PTRH1: variants seen among roughly 807,000 people sequenced by gnomAD.
PTRH1 encodes peptidyl-tRNA hydrolase 1 homolog.
In PTRH1, 13 loss-of-function variants were observed where a neutral mutation model predicts 15.7. The observed-to-expected ratio is 0.83, with a 90% CI of 0.54 to 1.31. The LOEUF is 1.31. PTRH1 is among the 40% of genes most tolerant of loss of function. PTRH1 has a pLI of 0.00. For missense variants in PTRH1, 319 were observed against 296.2 expected (o/e 1.08, Z -0.56); for synonymous variants, 139 against 136.7 (o/e 1.02, Z -0.12).
downstream of PTRH1, chr9:127,710,899 C>T: frequency 1.0e-6 from 1 of 959,658 alleles, no homozygotes; most frequent in Non-Finnish European, 1.6e-6. Flanking sequence ...TCCTTGGAAT[C>T]CCAGCTGGTG....
rs760977756 is a variant in PTRH1, at chr9:127,714,611, G to GC, written c.407dup (p.Ser137GlnfsTer13). The GC allele has an allele frequency of 1.4e-5, 23 of 1,613,564 alleles. No homozygotes were observed. The highest frequency in any genetic ancestry group is 1.9e-5 in the Non-Finnish European group (23 of 1,179,646). On this transcript the variant is annotated frameshift_variant, in exon 3 of 5. Coordinates refer to ENST00000543175, the MANE Select transcript of PTRH1 (RefSeq NM_001002913.3). LOFTEE classifies it high-confidence loss of function. Reference sequence around the variant, plus strand: ...CCATCTCAGGACCTCACCTGGCACTGCCCCCCAGCTTCAGAGCCAGTCTCC... The same window carrying GC: ...CCATCTCAGGACCTCACCTGGCACTGCCCCCCCAGCTTCAGAGCCAGTCTCC...
downstream of PTRH1, chr9:127,710,723 C>G: frequency 1.3e-6 from 2 of 1,570,724 alleles, no homozygotes; most frequent in Non-Finnish European, 1.7e-6. Context: ...TGCATACAAC[C>G]TGGAGAAGAA....
intron 3 of PTRH1, 85 bp from the exon 4 acceptor site, chr9:127,714,509 C>T (rs1051765950): frequency 1.3e-6 from 2 of 1,598,892 alleles, no homozygotes; most frequent in Non-Finnish European, 8.6e-7. Flanking sequence ...GTCAGAGCAG[C>T]CCATTTCCTG....
intron 1 of PTRH1, chr9:127,707,213 G>C (rs750352185): frequency 1.2e-6 from 2 of 1,605,158 alleles, no homozygotes; most frequent in Non-Finnish European, 1.7e-6. Flanking sequence ...TGGCGGGCAG[G>C]AGTCTGGTGC....
chr9:127,697,516 C>G (rs1415023266), intron 1 of PTRH1, among the ~76,000 whole-genome samples: 1 of 152,138 alleles, frequency 6.6e-6, no homozygotes, highest in African/African-American at 2.4e-5. Flanking sequence ...CATAAATTAG[C>G]TGAGCATGGT....
At chr9:127,699,775 TAGG>T (rs1485855286) in intron 1 of PTRH1, among the ~76,000 whole-genome samples, 1 of 152,024 alleles carries the variant, frequency 6.6e-6, no homozygotes, top group Non-Finnish European at 1.5e-5. Context: ...AGTCTCTTCC[TAGG>T]AGAACAGGCA....
Position 127,715,585 on chromosome 9 carries a change from G to C in PTRH1, c.55C>G (p.Arg19Gly), listed in dbSNP as rs767941897. ...GGGGGGCGAGGCTCCAAAACACATCGGCTCATGGCTCTACTCAGCCGCTGT... is the reference window on the plus strand; with the variant it reads ...GGGGGGCGAGGCTCCAAAACACATCCGCTCATGGCTCTACTCAGCCGCTGT... ...AGQRLSRAMS[R>G]CVLEPRPPGK... is the part of the protein sequence containing the mutation. The change falls in exon 1 of 5, where the codon CGA (arginine) becomes GGA (glycine). Residue 19 changes from arginine to glycine, a missense_variant. By Grantham distance (125) the Arg-to-Gly change is moderately radical. Coordinates refer to ENST00000543175, the MANE Select transcript of PTRH1 (RefSeq NM_001002913.3). This position sits in a 1 kb window ranked among gnomAD's most constrained non-coding sequence, Gnocchi z 5.8. 1.2e-6 allele frequency: 2 copies of C among 1,613,388 alleles called. No individual in the cohort carries two copies. The highest frequency in any genetic ancestry group is 1.1e-5 in the South Asian group (1 of 91,080).
chr9:127,704,915 A>AT lies in PTRH1; in HGVS notation c.206-9775dup, dbSNP rs954217968. On this transcript the variant is annotated intron_variant, in intron 1 of 2. Transcript: ENST00000335223. ...AGGCGGATGCCACCAGGCCTGGTTA[A>AT]TTTTTTTTTTTTTTAGAGATGGGGG... Among the ~76,000 whole-genome samples the AT allele has an allele frequency of 1.2e-3, 178 of 144,992 alleles. 1 individual carries two copies. Among genetic ancestry groups the AT allele is most frequent in the Middle Eastern group, 3.6e-3 (1 of 278 alleles).
chr9:127,707,206 C>T (rs368584117), intron 1 of PTRH1: 17 of 1,606,170 alleles, frequency 1.1e-5, no homozygotes, highest in African/African-American at 9.4e-5. Context: ...CGTGGGCTGG[C>T]GGGCAGGAGT....
chr9:127,712,953 T>TCGG, downstream of PTRH1: 1 of 1,593,106 alleles, frequency 6.3e-7, no homozygotes. Flanking sequence ...GGGACAGTGC[T>TCGG]CGGCTCACCC....
At chr9:127,707,257 A>G in intron 1 of PTRH1, 2 of 1,567,042 alleles carry the variant, frequency 1.3e-6, no homozygotes, top group African/African-American at 2.7e-5. Flanking sequence ...GGTGGCCCCC[A>G]TGCAGGTTTG....
chr9:127,701,037 G>A (rs957416979), intron 1 of PTRH1, among the ~76,000 whole-genome samples: 2 of 152,216 alleles, frequency 1.3e-5, no homozygotes, highest in East Asian at 1.9e-4. Context: ...GTACATGCAT[G>A]TTTGTTCAAT....
rs567749917 is a variant in PTRH1 at position 127,705,470 on chromosome 9, G to C, written c.205+9965C>G. ...CCTCTTGCCACGTGGTGCTGACAAA[G>C]CCATCCTGGTGCTGATGAAGGCGAG... On this transcript the variant is annotated intron_variant, in intron 1 of 2. Transcript: ENST00000335223. The surrounding 1 kb of genome is among the most constrained non-coding windows in gnomAD (Gnocchi z 4.7). Among the ~76,000 whole-genome samples, 4 of 152,310 alleles carry C rather than the reference G, an allele frequency of 2.6e-5. No homozygotes were observed. The highest frequency in any genetic ancestry group is 1.9e-4 in the East Asian group (1 of 5,178).
chr9:127,699,075 T>G (rs1356943940), intron 1 of PTRH1, among the ~76,000 whole-genome samples: 1 of 152,006 alleles, frequency 6.6e-6, no homozygotes. Flanking sequence ...AGAGATAGGG[T>G]TTCACCATGT....
chr9:127,711,964 A>G, downstream of PTRH1: 1 of 1,601,986 alleles, frequency 6.2e-7, no homozygotes, highest in Non-Finnish European at 8.5e-7. Context: ...CGTATGGCCC[A>G]CGGAGGGGCG....
chr9:127,709,803 A>G, downstream of PTRH1: 1 of 1,211,116 alleles, frequency 8.3e-7, no homozygotes, highest in Non-Finnish European at 1.1e-6. The surrounding 1 kb of genome is among the most constrained non-coding windows in gnomAD (Gnocchi z 4.7). Context: ...CTTGGCACAC[A>G]CTGTCTTCCT....
At chr9:127,711,298 G>C (rs775870656), downstream of PTRH1, 12 of 1,614,070 alleles carry the variant, frequency 7.4e-6, no homozygotes, top group East Asian at 2.2e-5. Context: ...CCACGAACCG[G>C]ATGTGGGAGA....
At chr9:127,694,575 GC>G (rs1842538984) in intron 2 of PTRH1, among the ~76,000 whole-genome samples, 1 of 152,010 alleles carries the variant, frequency 6.6e-6, no homozygotes, top group Non-Finnish European at 1.5e-5. Flanking sequence ...ACAGGCCACT[GC>G]TAAAAAGTCT....
chr9:127,712,653 C>G (rs73600054), downstream of PTRH1: 22,042 of 1,613,350 alleles, frequency 0.014, 1,866 homozygotes, highest in African/African-American at 0.21. Flanking sequence ...ATTTCCTGGA[C>G]GAGGGTGGGT....
Sources: gnomAD v4.1 joint callset for allele counts (sites outside exome capture counted in the v4.1 genomes callset) on GRCh38, gnomAD v4.1.1 for gene constraint, Gnocchi (gnomAD v3.1) non-coding constraint, MANE v1.5 for transcripts, NCBI Gene and HGNC (gene_info 2026-07-23, HGNC 2026-07-21) for gene names.